ELMO1: variants seen among roughly 807,000 people sequenced by gnomAD.
The protein encoded by ELMO1 is engulfment and cell motility protein 1.
ELMO1 carries 26 observed loss-of-function variants against 98.9 expected under a neutral mutation model. That is an observed-to-expected ratio of 0.26 (90% CI 0.19 to 0.36). The LOEUF (loss-of-function observed/expected upper bound fraction) is 0.36. ELMO1 is among the 10% of genes least tolerant of loss of function. The pLI is 1.00. For synonymous variants in ELMO1, 346 were observed against 346.0 expected (o/e 1.00, Z 0.00); for missense variants, 627 against 935.2 (o/e 0.67, Z 4.30).
In ELMO1 at chr7:37,050,609, AACACACACAC is replaced by A. The variant is rs60918785; in HGVS notation, c.1301-37184_1301-37175del. Among the ~76,000 whole-genome samples the A allele has an allele frequency of 6.1e-3, 787 of 129,596 alleles. 3 individuals are homozygous for A. The highest frequency in any genetic ancestry group is 0.019 in the Middle Eastern group (5 of 264). The allele number at this position is 129,596 out of a possible 152,430, so 85.0% of individuals were successfully genotyped here. On this transcript the variant is annotated intron_variant, in intron 15 of 21. Coordinates refer to ENST00000310758, the MANE Select transcript of ELMO1 (RefSeq NM_014800.11). ...AAGAGAGTAGATTTTAGGTGCTCTG[AACACACACAC>A]ACACACACACACACACACACACACA... is the stretch of plus-strand genomic sequence containing the variant.
At chr7:36,905,345 G>A (rs910436761) in intron 16 of ELMO1, among the ~76,000 whole-genome samples, 2 of 152,128 alleles carry the variant, frequency 1.3e-5, no homozygotes, top group African/African-American at 2.4e-5. Context: ...AACTCCTGGG[G>A]TGCTGCTTTC....
At chr7:37,166,657 T>A (rs886479473) in intron 13 of ELMO1, among the ~76,000 whole-genome samples, 1 of 151,800 alleles carries the variant, frequency 6.6e-6, no homozygotes, top group Admixed American at 6.6e-5. Flanking sequence ...TTTGAGTGAG[T>A]TTCTTAATCC....
At chr7:37,126,960 T>A (rs777638009) in intron 14 of ELMO1, among the ~76,000 whole-genome samples, 3 of 152,238 alleles carry the variant, frequency 2.0e-5, no homozygotes, top group African/African-American at 4.8e-5. Context: ...AATAGAAACA[T>A]CTCATTTGCA....
chr7:37,099,011 A>T lies in ELMO1; in HGVS notation c.1192-2284T>A, dbSNP rs113034862. On this transcript the variant is annotated intron_variant, in intron 14 of 21. Coordinates refer to ENST00000310758, the MANE Select transcript of ELMO1 (RefSeq NM_014800.11). ...TGAGGCTGTGATCTGCATACACTGT[A>T]GGTAGAATTACTGCAGCCAATAAAT... 3.3e-3 allele frequency among the ~76,000 whole-genome samples: 498 copies of T among 152,362 alleles called. 3 individuals are homozygous for T. The highest frequency in any genetic ancestry group is 6.8e-3 in the Middle Eastern group (2 of 294).
At chr7:37,258,007 C>T (rs752332560) in intron 6 of ELMO1, among the ~76,000 whole-genome samples, 5 of 151,818 alleles carry the variant, frequency 3.3e-5, no homozygotes, top group African/African-American at 9.7e-5. Context: ...TGGTGACTCA[C>T]GCCTGTAATC....
chr7:37,409,516 A>G lies in ELMO1; in HGVS notation c.-74+39159T>C, dbSNP rs147651999. On this transcript the variant is annotated intron_variant, in intron 1 of 21. Coordinates refer to ENST00000310758, the MANE Select transcript of ELMO1 (RefSeq NM_014800.11). ...ATGCACAGTCAGCCAGGGCAACTCA[A>G]CTGGGGCTTGCTGGGGGATCCACTT... is the stretch of plus-strand genomic sequence containing the variant. Among the ~76,000 whole-genome samples, 418 of 152,300 alleles carry G rather than the reference A, an allele frequency of 2.7e-3. 11 individuals are homozygous for G. The highest frequency in any genetic ancestry group is 7.7e-4 in the East Asian group (4 of 5,178).
chr7:37,044,723 C>T (rs1328137442), intron 15 of ELMO1, among the ~76,000 whole-genome samples: 1 of 152,220 alleles, frequency 6.6e-6, no homozygotes, highest in African/African-American at 2.4e-5. Flanking sequence ...CCTCTTTCTG[C>T]AGCGAGATGC....
At position 37,153,308 on chromosome 7, in the gene ELMO1, A is replaced by C. The variant is rs531702039; in HGVS notation, c.1087-20074T>G. Among the ~76,000 whole-genome samples, 1,002 of 151,812 alleles carry C rather than the reference A, an allele frequency of 6.6e-3. 6 individuals carry two copies. The highest frequency in any genetic ancestry group is 0.01 in the Non-Finnish European group (710 of 67,702). On this transcript the variant is annotated intron_variant, in intron 13 of 21. Coordinates refer to ENST00000310758, the MANE Select transcript of ELMO1 (RefSeq NM_014800.11). ...GTTGAATAGTGGATGCAGCCTATGG[A>C]GGGCGAGCCAAAGCAGGGTGGGGCA...
At position 37,381,032 on chromosome 7, in the gene ELMO1, T is replaced by C. The variant is rs1015585572; in HGVS notation, c.-73-38269A>G. ...GAGTACTTGTTTACAGTATGAGACA[T>C]GAAACAAGAAGACAGGGCTAGAAAC... On this transcript the variant is annotated intron_variant, in intron 1 of 21. Transcript: ENST00000310758. 3.3e-5 allele frequency among the ~76,000 whole-genome samples: 5 copies of C among 152,180 alleles called. No homozygotes were observed. The East Asian group carries it at 7.7e-4, about 23-fold the overall frequency.
At chr7:37,239,857 A>G (rs1270301352) in intron 7 of ELMO1, among the ~76,000 whole-genome samples, 2 of 152,122 alleles carry the variant, frequency 1.3e-5, no homozygotes, top group Non-Finnish European at 2.9e-5. Flanking sequence ...AGAGTACTGA[A>G]AGCTGCTATG....
intron 16 of ELMO1, among the ~76,000 whole-genome samples, chr7:36,907,784 A>G (rs1380198188): frequency 1.3e-5 from 2 of 152,200 alleles, no homozygotes; most frequent in Non-Finnish European, 2.9e-5. Context: ...TCCCATGCCA[A>G]TGGCAGACAT....
chr7:36,857,199 A>G (rs1802263036), intron 21 of ELMO1, among the ~76,000 whole-genome samples: 1 of 152,204 alleles, frequency 6.6e-6, no homozygotes, highest in African/African-American at 2.4e-5. Flanking sequence ...TAACCCATCG[A>G]AACATCAATT....
At chr7:36,956,498 T>C (rs1361068582) in intron 16 of ELMO1, among the ~76,000 whole-genome samples, 1 of 152,184 alleles carries the variant, frequency 6.6e-6, no homozygotes, top group Non-Finnish European at 1.5e-5. Context: ...TCAATCATCA[T>C]GTTATATGTT....
chr7:37,119,903 C>T (rs911505233), intron 14 of ELMO1, among the ~76,000 whole-genome samples: 7 of 152,086 alleles, frequency 4.6e-5, no homozygotes, highest in African/African-American at 9.7e-5. Context: ...TTATGAGGGA[C>T]GCTGAAGCAA....
intron 1 of ELMO1, among the ~76,000 whole-genome samples, chr7:37,363,597 G>A (rs773018922): frequency 1.6e-4 from 25 of 152,104 alleles, no homozygotes; most frequent in Non-Finnish European, 2.9e-4. Flanking sequence ...ACGATGAAAT[G>A]TAGTCTCTCT....
intron 18 of ELMO1, among the ~76,000 whole-genome samples, chr7:36,885,636 C>T (rs946485822): frequency 5.9e-5 from 9 of 152,080 alleles, no homozygotes; most frequent in Non-Finnish European, 1.3e-4. Context: ...ATTGATTTTT[C>T]CAAAGGCAAT....
chr7:36,877,535 G>A (rs1200361020), intron 19 of ELMO1, among the ~76,000 whole-genome samples: 2 of 152,202 alleles, frequency 1.3e-5, no homozygotes, highest in East Asian at 3.8e-4. Flanking sequence ...CATTTTCAAA[G>A]TGTCTTTGAG....
At chr7:37,141,741 A>G (rs1486508249) in intron 13 of ELMO1, among the ~76,000 whole-genome samples, 3 of 152,106 alleles carry the variant, frequency 2.0e-5, no homozygotes, top group East Asian at 1.9e-4. Flanking sequence ...TCTCCAGGGC[A>G]ATTTTGGTTA....
At chr7:37,240,546 G>T (rs1306836616) in intron 7 of ELMO1, among the ~76,000 whole-genome samples, 1 of 151,104 alleles carries the variant, frequency 6.6e-6, no homozygotes, top group African/African-American at 2.4e-5. Context: ...ATTTTTTAAA[G>T]CTTCTTAAGT....
Sources: allele counts gnomAD v4.1 joint callset (sites outside exome capture counted in the v4.1 genomes callset), GRCh38; gene constraint gnomAD v4.1.1; transcripts MANE v1.5; gene names NCBI Gene and HGNC (gene_info 2026-07-23, HGNC 2026-07-21).